Variants in CPNE4 observed in about 807,000 individuals in gnomAD.
CPNE4 encodes the protein copine 4, also known as copine-4.
In CPNE4, 25 loss-of-function variants were observed where a neutral mutation model predicts 67.9. The observed-to-expected ratio is 0.37, with a 90% CI of 0.27 to 0.51. The LOEUF (loss-of-function observed/expected upper bound fraction) is 0.51, where lower values mean the gene tolerates loss of function less well. Ranked by LOEUF, CPNE4 falls within the 20% of genes least tolerant of loss-of-function variation. The pLI is 0.93. For missense variants in CPNE4, 464 were observed against 690.8 expected (o/e 0.67, Z 3.68); for synonymous variants, 242 against 244.9 (o/e 0.99, Z 0.11).
intron 7 of CPNE4, among the ~76,000 whole-genome samples, chr3:131,603,549 A>G (rs113851441): frequency 2.3e-3 from 349 of 152,276 alleles, no homozygotes; most frequent in Middle Eastern, 0.01. Context: ...AGAAATCCAT[A>G]TTTTATTTAG....
At chr3:131,856,588 GAGAAT>G (rs1442119983) in intron 2 of CPNE4, among the ~76,000 whole-genome samples, 3 of 152,030 alleles carry the variant, frequency 2.0e-5, no homozygotes, top group Non-Finnish European at 4.4e-5. Context: ...GGTCCTGGAA[GAGAAT>G]AGAACACACA....
chr3:131,740,854 C>T (rs372578317), intron 2 of CPNE4, among the ~76,000 whole-genome samples: 2 of 152,296 alleles, frequency 1.3e-5, no homozygotes, highest in Admixed American at 1.3e-4. Flanking sequence ...ATTCTGATCT[C>T]ATATAATACC....
chr3:131,712,184 G>A (rs2081574642), intron 3 of CPNE4, among the ~76,000 whole-genome samples: 1 of 152,138 alleles, frequency 6.6e-6, no homozygotes, highest in South Asian at 2.1e-4. Flanking sequence ...AAGTCAGCAT[G>A]CGGGTCTTAT....
intron 1 of CPNE4, among the ~76,000 whole-genome samples, chr3:131,914,338 G>T (rs2089100134): frequency 6.6e-6 from 1 of 152,130 alleles, no homozygotes; most frequent in African/African-American, 2.4e-5. Flanking sequence ...TTACACCACA[G>T]AACATCTTCC....
chr3:131,739,286 G>C (rs1457512180), intron 2 of CPNE4, among the ~76,000 whole-genome samples: 3 of 152,124 alleles, frequency 2.0e-5, no homozygotes, highest in African/African-American at 7.2e-5. Context: ...TACAGCTAGA[G>C]ACAGTTCTTC....
chr3:131,897,497 A>C (rs188434529), intron 2 of CPNE4, among the ~76,000 whole-genome samples: 1 of 152,238 alleles, frequency 6.6e-6, no homozygotes, highest in African/African-American at 2.4e-5. Context: ...TCAATTTGTC[A>C]TTGCTCCTTC....
At chr3:131,558,526 T>C (rs1936589664) in intron 11 of CPNE4, among the ~76,000 whole-genome samples, 1 of 151,704 alleles carries the variant, frequency 6.6e-6, no homozygotes, top group Non-Finnish European at 1.5e-5. Flanking sequence ...AATAAAATAG[T>C]ATAAAATACA....
intron 2 of CPNE4, among the ~76,000 whole-genome samples, chr3:131,789,067 T>C: frequency 6.7e-6 from 1 of 149,096 alleles, no homozygotes; most frequent in East Asian, 2.0e-4. Flanking sequence ...GAGAAAGACT[T>C]TTACATAAGA....
chr3:131,639,023 G>A (rs2079468342), intron 7 of CPNE4, among the ~76,000 whole-genome samples: 2 of 152,124 alleles, frequency 1.3e-5, no homozygotes, highest in African/African-American at 4.8e-5. Flanking sequence ...AGTGCTAAGA[G>A]GAAAGTTCAT....
intron 1 of CPNE4, among the ~76,000 whole-genome samples, chr3:131,917,001 G>A (rs1560596938): frequency 6.6e-6 from 1 of 152,114 alleles, no homozygotes; most frequent in African/African-American, 2.4e-5. Context: ...TAGCTGCTAG[G>A]CTTTTCATCA....
chr3:131,731,687 T>G (rs887401943), intron 2 of CPNE4, among the ~76,000 whole-genome samples: 1 of 152,198 alleles, frequency 6.6e-6, no homozygotes, highest in South Asian at 2.1e-4. Flanking sequence ...ATGTTCTTCA[T>G]GGTCCAAACT....
intron 2 of CPNE4, among the ~76,000 whole-genome samples, chr3:131,752,729 G>A (rs1306491320): frequency 1.3e-5 from 2 of 152,102 alleles, no homozygotes; most frequent in African/African-American, 4.8e-5. Flanking sequence ...ACATTTAACT[G>A]AAGAAATTTG....
intron 1 of CPNE4, among the ~76,000 whole-genome samples, chr3:131,911,958 G>A (rs867431351): frequency 3.3e-5 from 5 of 152,112 alleles, no homozygotes; most frequent in African/African-American, 1.2e-4. Flanking sequence ...CTCTGTCAAC[G>A]AGTGATCAGC....
intron 2 of CPNE4, among the ~76,000 whole-genome samples, chr3:131,771,258 G>A (rs921647558): frequency 2.0e-5 from 3 of 152,010 alleles, no homozygotes; most frequent in African/African-American, 4.8e-5. Flanking sequence ...ATGGAGTCTC[G>A]CTTTGTCACC....
In CPNE4 at chr3:131,774,967, CTGA is replaced by C. The variant is rs1199431403; in HGVS notation, c.181-51345_181-51343del. On this transcript the variant is annotated intron_variant, in intron 2 of 15. Coordinates refer to ENST00000429747, the MANE Select transcript of CPNE4 (RefSeq NM_130808.3). The stretch of plus-strand genomic sequence containing the variant: ...CTAACATTTGCCTCAATTATTTTGG[CTGA>C]TAAGAGATAAAGCAAACAGGGAGGG... Among the ~76,000 whole-genome samples the C allele has an allele frequency of 7.2e-5, 11 of 152,166 alleles. 1 individual carries two copies. In the South Asian group the frequency reaches 2.3e-3, roughly 32 times the overall value.
intron 7 of CPNE4, among the ~76,000 whole-genome samples, chr3:131,649,072 C>T (rs2079741240): frequency 6.6e-6 from 1 of 152,216 alleles, no homozygotes; most frequent in African/African-American, 2.4e-5. Flanking sequence ...ACATGAACAA[C>T]AGGTACTCAA....
rs957148283 is a variant in CPNE4 at position 131,555,528 on chromosome 3, C to G, written c.1085G>C (p.Gly362Ala). Residue 362 changes from glycine to alanine, a missense_variant, in exon 12 of 16, where the codon GGG becomes GCG. Around this residue, in one of 6 missense-constraint regions of CPNE4, gnomAD observed 201 missense variants for 357.7 expected, o/e 0.56. Transcript: ENST00000429747. ...CTCTGGAGGTATCCTGGCGCCAAAC[C>G]CAAAGGCAGGGAACATTTTGTCACT... ...YDSDKMFPAF[G>A]FGARIPPEYT... The G allele has an allele frequency of 6.2e-7, 1 of 1,612,476 alleles. No individual in the cohort carries two copies. The highest frequency in any genetic ancestry group is 8.5e-7 in the Non-Finnish European group (1 of 1,179,254).
At chr3:131,625,486 G>A (rs2079051269) in intron 7 of CPNE4, among the ~76,000 whole-genome samples, 1 of 152,076 alleles carries the variant, frequency 6.6e-6, no homozygotes, top group Non-Finnish European at 1.5e-5. Context: ...GAGGGTAAGA[G>A]TAAATGAGAA....
intron 1 of CPNE4, among the ~76,000 whole-genome samples, chr3:131,972,207 A>G (rs944350431): frequency 1.3e-5 from 2 of 152,194 alleles, no homozygotes; most frequent in Admixed American, 6.5e-5. Context: ...GCTGAAGCCA[A>G]TGAAAATACT....
Sources: allele counts gnomAD v4.1 joint callset (sites outside exome capture counted in the v4.1 genomes callset), GRCh38; gene constraint gnomAD v4.1.1; regional missense constraint gnomAD v4.1.1; transcripts MANE v1.5; gene names NCBI Gene and HGNC (gene_info 2026-07-23, HGNC 2026-07-21).